The following ACBD6 variants were observed in gnomAD, a reference collection of about 807,000 sequenced individuals.
ACBD6 encodes the protein acyl-CoA binding domain containing 6, also known as acyl-CoA-binding domain-containing protein 6.
A neutral mutation model predicts 37.2 loss-of-function variants in ACBD6; 28 were observed. The observed-to-expected ratio is 0.75, with a 90% CI of 0.56 to 1.03. The LOEUF (loss-of-function observed/expected upper bound fraction) is 1.03. Ranked by LOEUF, ACBD6 falls within the 50% of genes least tolerant of loss-of-function variation. ACBD6 has a pLI of 0.00. For missense variants in ACBD6, 340 were observed against 337.4 expected, an observed-to-expected ratio of 1.01 and a Z score of -0.06; for synonymous variants, 113 against 126.8, an observed-to-expected ratio of 0.89 and a Z score of 0.73.
chr1:180,356,861 A>G (rs887781153), intron 6 of ACBD6, among the ~76,000 whole-genome samples: 79 of 152,034 alleles, frequency 5.2e-4, no homozygotes, highest in African/African-American at 1.8e-3. Context: ...AAAAGAAAAA[A>G]AAAAACAAAG....
chr1:180,334,882 G>A (rs550467947), intron 6 of ACBD6, among the ~76,000 whole-genome samples: 36 of 152,292 alleles, frequency 2.4e-4, no homozygotes, highest in East Asian at 9.6e-4. Context: ...CTCAGTAGCC[G>A]ATTCAATCAA....
At chr1:180,377,987 A>G (rs953350199) in intron 6 of ACBD6, among the ~76,000 whole-genome samples, 4 of 145,096 alleles carry the variant, frequency 2.8e-5, no homozygotes, top group Admixed American at 1.4e-4. Flanking sequence ...AATAATAGCC[A>G]TAAGTTTGAG....
At chr1:180,334,416 G>C (rs976774718) in intron 6 of ACBD6, among the ~76,000 whole-genome samples, 1 of 152,172 alleles carries the variant, frequency 6.6e-6, no homozygotes, top group Admixed American at 6.5e-5. Flanking sequence ...GTCTGGAGTG[G>C]ACCTCCAGTA....
chr1:180,301,222 C>T (rs1392562025), intron 7 of ACBD6, among the ~76,000 whole-genome samples: 1 of 152,126 alleles, frequency 6.6e-6, no homozygotes, highest in African/African-American at 2.4e-5. Flanking sequence ...GTACAAAATG[C>T]ACACAGAAGA....
chr1:180,289,242 A>T (rs1159582040), intron 7 of ACBD6, among the ~76,000 whole-genome samples: 2 of 152,228 alleles, frequency 1.3e-5, no homozygotes, highest in African/African-American at 4.8e-5. Flanking sequence ...CAAAGCTGGC[A>T]GATCAGTGGG....
At chr1:180,488,477 T>C (rs148521756) in intron 3 of ACBD6, among the ~76,000 whole-genome samples, 1 of 152,322 alleles carries the variant, frequency 6.6e-6, no homozygotes, top group African/African-American at 2.4e-5. Context: ...CTTATAGATA[T>C]ATTTCCAATA....
intron 2 of ACBD6, 25 bp from the exon 3 acceptor site, chr1:180,492,390 GC>G (rs1651539826): frequency 1.3e-6 from 2 of 1,568,038 alleles, no homozygotes; most frequent in South Asian, 2.2e-5. Flanking sequence ...ATCCAAAATG[GC>G]CTGTCATTAT....
At chr1:180,305,181 A>C (rs979247342) in intron 7 of ACBD6, among the ~76,000 whole-genome samples, 1 of 152,232 alleles carries the variant, frequency 6.6e-6, no homozygotes, top group Non-Finnish European at 1.5e-5. Context: ...TTCAGGACAT[A>C]GGCATGGGCA....
At chr1:180,275,696 T>C (rs1340315414) in intron 9 of ACBD6, 2 of 152,120 alleles carry the variant, frequency 1.3e-5, no homozygotes, top group Non-Finnish European at 1.5e-5. Context: ...CCTACCTTGG[T>C]TGGGAAGAGT....
At chr1:180,281,345 T>A (rs1467278003) in exon 9 of ACBD6, 2 of 152,246 alleles carry the variant, frequency 1.3e-5, no homozygotes, top group African/African-American at 4.8e-5. Flanking sequence ...GGTGTTCCAT[T>A]GCTTTCCTGT....
chr1:180,331,172 G>T lies in ACBD6; in HGVS notation c.664-16450C>A, dbSNP rs537962012. Reference sequence around the variant, plus strand: ...CAGTAGCTTCTAGGGTCACACAAGGGGTATGCCAATTACAAGTAACTCAGG... The same window carrying T: ...CAGTAGCTTCTAGGGTCACACAAGGTGTATGCCAATTACAAGTAACTCAGG... On this transcript the variant is annotated intron_variant, in intron 6 of 7. Transcript: ENST00000367595. Among the ~76,000 whole-genome samples, 15 of 152,160 alleles carry T rather than the reference G, an allele frequency of 9.9e-5. No individual in the cohort carries two copies. In the South Asian group the frequency reaches 1.5e-3, roughly 15 times the overall value.
At chr1:180,492,417 A>T in intron 2 of ACBD6, 52 bp from the exon 3 acceptor site, 1 of 1,379,440 alleles carries the variant, frequency 7.2e-7, no homozygotes, top group Non-Finnish European at 1.0e-6. Flanking sequence ...TAACACAAAC[A>T]GCATTTTTCT....
intron 7 of ACBD6, 93 bp from the exon 8 acceptor site, chr1:180,288,610 G>A: frequency 7.1e-7 from 1 of 1,413,922 alleles, no homozygotes; most frequent in Non-Finnish European, 9.8e-7. Flanking sequence ...TGAGCAATAA[G>A]GAATACTGAA....
chr1:180,319,211 A>G (rs1180575464), intron 6 of ACBD6, among the ~76,000 whole-genome samples: 1 of 152,232 alleles, frequency 6.6e-6, no homozygotes, highest in Non-Finnish European at 1.5e-5. Flanking sequence ...CTGAGACTAT[A>G]AACTTCTTGT....
rs36088499 is a variant in ACBD6, at chr1:180,307,890, G to A, written c.694+6802C>T. Among the ~76,000 whole-genome samples, 3,815 of 152,282 alleles carry A rather than the reference G, an allele frequency of 0.025. 362 individuals carry two copies. The East Asian group carries it at 0.3, about 12-fold the overall frequency. On this transcript the variant is annotated intron_variant, in intron 7 of 7. Coordinates refer to ENST00000367595, the MANE Select transcript of ACBD6 (RefSeq NM_032360.4). ...GACTCGCTTGAACCTGGGAGGCGGA[G>A]GGTGCAGTGAGTTGAGATCACACCA... is the stretch of plus-strand genomic sequence containing the variant.
chr1:180,271,870 C>T (rs1558224659), exon 14 of ACBD6: 1 of 1,613,614 alleles, frequency 6.2e-7, no homozygotes, highest in Non-Finnish European at 8.5e-7. Context: ...AAGAGAAACG[C>T]CTGAAGAAGG....
At chr1:180,295,374 T>G (rs1032410291) in intron 7 of ACBD6, among the ~76,000 whole-genome samples, 3 of 151,896 alleles carry the variant, frequency 2.0e-5, no homozygotes, top group East Asian at 1.9e-4. Context: ...TGGCCTGGCT[T>G]AAGCGATTCT....
intron 6 of ACBD6, among the ~76,000 whole-genome samples, chr1:180,324,448 CAACTT>C (rs1019509236): frequency 2.6e-5 from 4 of 151,836 alleles, no homozygotes; most frequent in Admixed American, 2.0e-4. Flanking sequence ...AAGCTGATGA[CAACTT>C]AACACTGATT....
intron 3 of ACBD6, among the ~76,000 whole-genome samples, chr1:180,459,519 C>G (rs1650049077): frequency 6.6e-6 from 1 of 152,094 alleles, no homozygotes; most frequent in African/African-American, 2.4e-5. Context: ...AATTATAGTC[C>G]AAGTACAAGG....
Sources: allele counts gnomAD v4.1 joint callset (sites outside exome capture counted in the v4.1 genomes callset), GRCh38; gene constraint gnomAD v4.1.1; transcripts MANE v1.5; gene names NCBI Gene and HGNC (gene_info 2026-07-23, HGNC 2026-07-21).